IGBP1C: variants seen among roughly 807,000 people sequenced by gnomAD.
IGBP1C encodes the protein immunoglobulin-binding protein 1 family member C.
chr17:58,690,700 G>C, the IGBP1C span, among the ~76,000 whole-genome samples: 1 of 152,188 alleles, frequency 6.6e-6, no homozygotes. Flanking sequence ...GCAATGGGTT[G>C]AGTGGCCAAC....
At chr17:58,685,919 T>C in the IGBP1C span, among the ~76,000 whole-genome samples, 1 of 134,738 alleles carries the variant, frequency 7.4e-6, no homozygotes, top group African/African-American at 2.9e-5. Flanking sequence ...CGCCTGAACA[T>C]GGGAGGTGGA....
chr17:58,682,686 G>C, the IGBP1C span, among the ~76,000 whole-genome samples: 2 of 152,188 alleles, frequency 1.3e-5, no homozygotes, highest in Admixed American at 6.6e-5. Context: ...CCAGCCTACA[G>C]AGTCTTAAGT....
chr17:58,688,910 C>T, the IGBP1C span, among the ~76,000 whole-genome samples: 1 of 151,998 alleles, frequency 6.6e-6, no homozygotes, highest in Non-Finnish European at 1.5e-5. Flanking sequence ...CATTTTACCC[C>T]CACATTTTGT....
At chr17:58,687,169 C>A in the IGBP1C span, among the ~76,000 whole-genome samples, 1 of 152,224 alleles carries the variant, frequency 6.6e-6, no homozygotes, top group South Asian at 2.1e-4. Flanking sequence ...AGAAGATTTG[C>A]TGGAGGCAAT....
chr17:58,661,613 A>T, the IGBP1C span: 1 of 703,512 alleles, frequency 1.4e-6, no homozygotes, highest in Non-Finnish European at 2.6e-6. Context: ...GGGAAGGCTG[A>T]TGCGAAATGT....
At chr17:58,673,461 C>T in the IGBP1C span, among the ~76,000 whole-genome samples, 3 of 150,320 alleles carry the variant, frequency 2.0e-5, no homozygotes, top group Non-Finnish European at 2.9e-5. Flanking sequence ...CCAGCCTACA[C>T]GACAGAGTGA....
At chr17:58,672,716 C>A in the IGBP1C span, among the ~76,000 whole-genome samples, 2,813 of 150,642 alleles carry the variant, frequency 0.019, 67 homozygotes, top group African/African-American at 0.063. Context: ...GCCACCATAC[C>A]CAGTCGGCAT....
the IGBP1C span, among the ~76,000 whole-genome samples, chr17:58,681,371 G>A: frequency 6.6e-6 from 1 of 152,078 alleles, no homozygotes; most frequent in Non-Finnish European, 1.5e-5. Context: ...AGGAGGTAGG[G>A]GATTCTGTGA....
At chr17:58,682,564 C>A in the IGBP1C span, among the ~76,000 whole-genome samples, 1 of 151,984 alleles carries the variant, frequency 6.6e-6, no homozygotes, top group Admixed American at 6.6e-5. Context: ...ACTCCTCCAA[C>A]CAGATTTCAA....
At chr17:58,667,268 G>T in the IGBP1C span, among the ~76,000 whole-genome samples, 2 of 152,188 alleles carry the variant, frequency 1.3e-5, no homozygotes, top group East Asian at 3.8e-4. Flanking sequence ...GATCTGGACT[G>T]CAATATAGCG....
the IGBP1C span, among the ~76,000 whole-genome samples, chr17:58,678,851 AAT>A: frequency 4.0e-5 from 6 of 148,700 alleles, no homozygotes; most frequent in African/African-American, 1.5e-4. Context: ...TAATAATAAT[AAT>A]AAAAGAGAAG....
the IGBP1C span, among the ~76,000 whole-genome samples, chr17:58,687,599 C>A: frequency 6.6e-6 from 1 of 151,912 alleles, no homozygotes; most frequent in South Asian, 2.1e-4. Context: ...TCCCAAAATG[C>A]TGGGATTACA....
At chr17:58,670,888 A>C in the IGBP1C span, among the ~76,000 whole-genome samples, 1 of 152,056 alleles carries the variant, frequency 6.6e-6, no homozygotes, top group Admixed American at 6.6e-5. Flanking sequence ...TACATACAGT[A>C]ATGCATATAT....
the IGBP1C span, among the ~76,000 whole-genome samples, chr17:58,688,507 G>A: frequency 3.9e-5 from 6 of 152,146 alleles, no homozygotes; most frequent in African/African-American, 1.4e-4. Flanking sequence ...CTGAATATGC[G>A]CATTAGAATG....
the IGBP1C span, among the ~76,000 whole-genome samples, chr17:58,662,841 C>T: frequency 5.3e-5 from 8 of 152,148 alleles, no homozygotes; most frequent in Non-Finnish European, 1.0e-4. Context: ...TTAATGTGAC[C>T]GGGCGCGGTG....
the IGBP1C span, among the ~76,000 whole-genome samples, chr17:58,686,116 C>T: frequency 6.6e-6 from 1 of 151,752 alleles, no homozygotes; most frequent in Non-Finnish European, 1.5e-5. Context: ...TTTGGGAGGC[C>T]GAGGAGTCCT....
the IGBP1C span, among the ~76,000 whole-genome samples, chr17:58,691,784 C>A: frequency 6.6e-6 from 1 of 151,998 alleles, no homozygotes; most frequent in African/African-American, 2.4e-5. Context: ...TGCTTGCCTT[C>A]CTCCCCGAAG....
At chr17:58,688,908 C>A in the IGBP1C span, among the ~76,000 whole-genome samples, 66 of 151,972 alleles carry the variant, frequency 4.3e-4, no homozygotes, top group African/African-American at 1.6e-3. Context: ...TGCATTTTAC[C>A]CCCACATTTT....
At chr17:58,672,988 T>G in the IGBP1C span, among the ~76,000 whole-genome samples, 3 of 151,052 alleles carry the variant, frequency 2.0e-5, no homozygotes, top group South Asian at 6.4e-4. Context: ...AGCCTCGAAC[T>G]CCCAAAGTGC....
Sources: allele counts gnomAD v4.1 joint callset (sites outside exome capture counted in the v4.1 genomes callset), GRCh38; gene constraint gnomAD v4.1.1; transcripts MANE v1.5; gene names NCBI Gene and HGNC (gene_info 2026-07-23, HGNC 2026-07-21).